ZFHX3: variants seen among roughly 807,000 people sequenced by gnomAD.
The protein encoded by ZFHX3 is zinc finger homeobox protein 3.
A neutral mutation model predicts 279.1 loss-of-function variants in ZFHX3; 42 were observed. The ratio of observed to expected loss-of-function variants is 0.15; its 90% CI spans 0.12 to 0.19. The LOEUF (loss-of-function observed/expected upper bound fraction) is 0.19. ZFHX3 is among the 10% of genes least tolerant of loss of function. The probability of loss-of-function intolerance (pLI) is 1.00; values close to 1 mark genes in which losing one functional copy is unlikely to be tolerated. For synonymous variants in ZFHX3, 2,293 were observed against 1,957.8 expected (o/e 1.17, Z -4.52); for missense variants, 4,981 against 4,754.0 (o/e 1.05, Z -1.40).
intron 3 of ZFHX3, among the ~76,000 whole-genome samples, chr16:73,347,864 C>A (rs1264634793): frequency 1.3e-5 from 2 of 152,134 alleles, no homozygotes; most frequent in Admixed American, 6.5e-5. Flanking sequence ...AACTCATAAG[C>A]CTTTGTATGC....
At chr16:72,819,727 G>T (rs1168524269) in intron 5 of ZFHX3, among the ~76,000 whole-genome samples, 1 of 152,138 alleles carries the variant, frequency 6.6e-6, no homozygotes, top group African/African-American at 2.4e-5. Context: ...TAAACTCAGG[G>T]ATGACAGCCA....
intron 3 of ZFHX3, among the ~76,000 whole-genome samples, chr16:73,427,046 A>G (rs2017822600): frequency 6.6e-6 from 1 of 152,208 alleles, no homozygotes; most frequent in Non-Finnish European, 1.5e-5. Context: ...TTCATGGCTG[A>G]TGCTGGTGAC....
intron 1 of ZFHX3, among the ~76,000 whole-genome samples, chr16:73,767,161 T>C (rs748459549): frequency 1.3e-5 from 2 of 152,210 alleles, no homozygotes; most frequent in South Asian, 2.1e-4. Flanking sequence ...GGTTTCGAAC[T>C]CCTGACCTCA....
intron 7 of ZFHX3, among the ~76,000 whole-genome samples, chr16:73,115,376 A>AT (rs1966419327): frequency 3.0e-5 from 3 of 98,968 alleles, no homozygotes; most frequent in Non-Finnish European, 4.6e-5. Flanking sequence ...CCCTATCTCT[A>AT]CAAAAAAAAA....
intron 4 of ZFHX3, among the ~76,000 whole-genome samples, chr16:72,878,068 T>C (rs1490672182): frequency 6.6e-6 from 1 of 151,444 alleles, no homozygotes; most frequent in Admixed American, 6.6e-5. Flanking sequence ...TGCATGCCTG[T>C]GCTACTTGGA....
chr16:73,012,691 T>C (rs1047343612), intron 1 of ZFHX3, among the ~76,000 whole-genome samples: 42 of 152,288 alleles, frequency 2.8e-4, no homozygotes, highest in African/African-American at 9.6e-4. Flanking sequence ...AATAATTTGA[T>C]AGAAGTATTT....
intron 2 of ZFHX3, among the ~76,000 whole-genome samples, chr16:73,577,093 G>C (rs2051807944): frequency 6.6e-6 from 1 of 152,080 alleles, no homozygotes; most frequent in Non-Finnish European, 1.5e-5. Flanking sequence ...CTTATTTCTA[G>C]GTGTGATTGC....
chr16:73,244,024 C>G (rs1384503214), intron 5 of ZFHX3, among the ~76,000 whole-genome samples: 1 of 152,182 alleles, frequency 6.6e-6, no homozygotes, highest in Non-Finnish European at 1.5e-5. Flanking sequence ...GCCAGGAGCC[C>G]TTGGGGATCA....
chr16:73,235,566 G>A (rs953288214), intron 5 of ZFHX3, among the ~76,000 whole-genome samples: 2 of 152,284 alleles, frequency 1.3e-5, no homozygotes, highest in Non-Finnish European at 2.9e-5. Context: ...AGAGGCACTC[G>A]GCTCTGGTCA....
chr16:73,018,276 G>C (rs1964178151), intron 1 of ZFHX3, among the ~76,000 whole-genome samples: 3 of 151,814 alleles, frequency 2.0e-5, no homozygotes, highest in Admixed American at 6.5e-5. Flanking sequence ...ACAGGCGTGA[G>C]CATACACGCC....
intron 2 of ZFHX3, among the ~76,000 whole-genome samples, chr16:73,573,598 C>T (rs1043811431): frequency 2.0e-5 from 3 of 152,222 alleles, no homozygotes; most frequent in African/African-American, 7.2e-5. Context: ...TCATACAGTG[C>T]TGCTGCCACT....
intron 2 of ZFHX3, among the ~76,000 whole-genome samples, chr16:73,461,600 C>T (rs578048915): frequency 4.6e-5 from 7 of 152,230 alleles, no homozygotes; most frequent in African/African-American, 1.4e-4. Context: ...TTTTGTTTAC[C>T]TATGGAAGTC....
intron 7 of ZFHX3, among the ~76,000 whole-genome samples, chr16:73,124,392 T>C (rs920817412): frequency 6.6e-6 from 1 of 152,130 alleles, no homozygotes; most frequent in Non-Finnish European, 1.5e-5. Context: ...ATTCCATTCA[T>C]TCATGAGAGC....
At chr16:72,859,259 T>A (rs1455318589) in intron 4 of ZFHX3, among the ~76,000 whole-genome samples, 3 of 152,210 alleles carry the variant, frequency 2.0e-5, no homozygotes, top group Non-Finnish European at 4.4e-5. Flanking sequence ...GGGCCAATCC[T>A]CTTTCTTTTC....
intron 3 of ZFHX3, among the ~76,000 whole-genome samples, chr16:73,404,298 T>G (rs1419276297): frequency 6.6e-6 from 1 of 152,150 alleles, no homozygotes; most frequent in Non-Finnish European, 1.5e-5. Context: ...ACCTCTATTC[T>G]GTGGTTTGTA....
At chr16:73,194,281 C>A (rs1410420476) in intron 5 of ZFHX3, among the ~76,000 whole-genome samples, 1 of 152,098 alleles carries the variant, frequency 6.6e-6, no homozygotes, top group East Asian at 1.9e-4. Flanking sequence ...CTCACTGCAG[C>A]CTCGACCTCC....
At chr16:73,587,124 T>G (rs13337260) in intron 2 of ZFHX3, among the ~76,000 whole-genome samples, 1 of 152,142 alleles carries the variant, frequency 6.6e-6, no homozygotes, top group Admixed American at 6.5e-5. Context: ...TTCGAAGAAC[T>G]GGCTCTCAAA....
chr16:73,793,800 A>T (rs945824786), intron 1 of ZFHX3, among the ~76,000 whole-genome samples: 1 of 152,174 alleles, frequency 6.6e-6, no homozygotes, highest in African/African-American at 2.4e-5. Flanking sequence ...GTTATTTCTC[A>T]TTCTCAGCAG....
At chr16:72,902,569 A>G (rs2039065791) in intron 3 of ZFHX3, among the ~76,000 whole-genome samples, 1 of 152,196 alleles carries the variant, frequency 6.6e-6, no homozygotes, top group South Asian at 2.1e-4. Flanking sequence ...AGAAAACAAC[A>G]TGGTACCAAA....
Sources: gnomAD v4.1 joint callset for allele counts (sites outside exome capture counted in the v4.1 genomes callset) on GRCh38, gnomAD v4.1.1 for gene constraint, MANE v1.5 for transcripts, NCBI Gene and HGNC (gene_info 2026-07-23, HGNC 2026-07-21) for gene names.